FGL1: variants seen among roughly 807,000 people sequenced by gnomAD.
FGL1 encodes the protein fibrinogen like 1.
A neutral mutation model predicts 43.7 loss-of-function variants in FGL1; 59 were observed. The ratio of observed to expected loss-of-function variants is 1.35; its 90% CI spans 1.10 to 1.68. FGL1 has a LOEUF of 1.68. Among genes scored for constraint, FGL1 ranks in the 40% most tolerant of loss-of-function variants. The probability of loss-of-function intolerance (pLI) is 0.00; values close to 1 mark genes in which losing one functional copy is unlikely to be tolerated. For missense variants in FGL1, 596 were observed against 373.0 expected (o/e 1.60, Z -4.92); for synonymous variants, 192 against 126.5 (o/e 1.52, Z -3.48).
At chr8:17,894,840 C>A (rs184612121) in intron 1 of FGL1, among the ~76,000 whole-genome samples, 4 of 145,460 alleles carry the variant, frequency 2.7e-5, no homozygotes, top group Non-Finnish European at 3.0e-5. Flanking sequence ...ATTTTACCTG[C>A]GCACACTGTA....
chr8:17,868,106 T>G (rs760577822), intron 7 of FGL1, among the ~76,000 whole-genome samples: 4 of 152,198 alleles, frequency 2.6e-5, no homozygotes, highest in Non-Finnish European at 5.9e-5. Context: ...TTAGACTCAA[T>G]GAATTAATGA....
intron 1 of FGL1, among the ~76,000 whole-genome samples, chr8:17,887,347 G>A (rs1043415946): frequency 6.6e-6 from 1 of 152,190 alleles, no homozygotes; most frequent in African/African-American, 2.4e-5. Context: ...GCACCTGGGA[G>A]AGGTATAAAA....
At chr8:17,881,975 C>T in intron 3 of FGL1, 24 bp downstream of exon 3, 3 of 1,603,282 alleles carry the variant, frequency 1.9e-6, no homozygotes, top group Non-Finnish European at 1.7e-6. Context: ...GTTATAGAAA[C>T]ACTTAAGAAA....
At position 17,876,742 on chromosome 8, in the gene FGL1, G is replaced by A. The variant is rs28493060; in HGVS notation, c.245-2221C>T. On this transcript the variant is annotated intron_variant, in intron 3 of 7. Transcript: ENST00000427924. ...GAGCTGAATACTAAAGACTCACAAG[G>A]ATCAAACTATTTTCCAGGCAAATAT... Among the ~76,000 whole-genome samples the A allele has an allele frequency of 6.4e-3, 979 of 152,224 alleles. 12 individuals are homozygous for A. The highest frequency in any genetic ancestry group is 0.022 in the African/African-American group (922 of 41,542).
chr8:17,876,255 C>G (rs757550947), intron 3 of FGL1, among the ~76,000 whole-genome samples: 3 of 151,864 alleles, frequency 2.0e-5, no homozygotes, highest in African/African-American at 7.3e-5. Context: ...AACAAATGTT[C>G]ATTGTTTTGA....
At chr8:17,882,705 TTATATATTA>T (rs200592532) in intron 2 of FGL1, 1 of 137,960 alleles carries the variant, frequency 7.2e-6, no homozygotes, top group African/African-American at 2.8e-5. Context: ...TTAATGTATA[TTATATATTA>T]TATATATTAT....
At chr8:17,883,506 TATATA>T (rs547121591) in intron 2 of FGL1, among the ~76,000 whole-genome samples, 9,398 of 131,594 alleles carry the variant, frequency 0.071, 750 homozygotes, top group African/African-American at 0.19. Context: ...AATATATTTA[TATATA>T]ATATAATGTA....
chr8:17,866,055 G>C (rs929704099), intron 7 of FGL1, among the ~76,000 whole-genome samples: 6 of 152,140 alleles, frequency 3.9e-5, no homozygotes, highest in African/African-American at 9.7e-5. Context: ...TGAGTCTCCA[G>C]AATATATATT....
chr8:17,882,924 C>A lies in FGL1; in HGVS notation c.64-745G>T, dbSNP rs543028254. 8.5e-3 allele frequency among the ~76,000 whole-genome samples: 769 copies of A among 90,522 alleles called. 7 individuals are homozygous for A. The highest frequency in any genetic ancestry group is 0.029 in the African/African-American group (425 of 14,620). The allele number at this position is 90,522 out of a possible 152,430, so 59.4% of individuals were successfully genotyped here. Reference sequence around the variant, plus strand: ...ATATATTAAATAATATATAATATATCTCATATATAATATATTAAATAATAT... The same window carrying A: ...ATATATTAAATAATATATAATATATATCATATATAATATATTAAATAATAT... On this transcript the variant is annotated intron_variant, in intron 2 of 7. Coordinates refer to ENST00000427924, the MANE Select transcript of FGL1 (RefSeq NM_004467.4).
chr8:17,880,326 A>G (rs2427733), intron 3 of FGL1, among the ~76,000 whole-genome samples: 30,371 of 152,184 alleles, frequency 0.2, 4,239 homozygotes, highest in African/African-American at 0.39. Flanking sequence ...CTCATGCGCT[A>G]CAGTGTGAGC....
intron 7 of FGL1, among the ~76,000 whole-genome samples, chr8:17,867,563 C>G (rs1221315527): frequency 6.6e-6 from 1 of 152,236 alleles, no homozygotes; most frequent in African/African-American, 2.4e-5. Flanking sequence ...GTCAGCATTA[C>G]AGCTCTTGTG....
chr8:17,871,409 G>C (rs2053357709), intron 5 of FGL1, among the ~76,000 whole-genome samples: 2 of 150,612 alleles, frequency 1.3e-5, no homozygotes, highest in Admixed American at 1.3e-4. Flanking sequence ...CATGAGAATT[G>C]CTTGAGCCAA....
At chr8:17,865,450 C>T (rs17125754) in intron 7 of FGL1, among the ~76,000 whole-genome samples, 1 of 152,076 alleles carries the variant, frequency 6.6e-6, no homozygotes, top group African/African-American at 2.4e-5. Context: ...AATTGCTAGC[C>T]TATCAGTTAT....
chr8:17,870,725 G>A (rs1028859467), intron 5 of FGL1, among the ~76,000 whole-genome samples: 1 of 152,104 alleles, frequency 6.6e-6, no homozygotes, highest in African/African-American at 2.4e-5. Flanking sequence ...GGCCAACATG[G>A]TGAAACCCTG....
At chr8:17,885,868 G>A (rs947927797) in intron 1 of FGL1, 72 of 235,304 alleles carry the variant, frequency 3.1e-4, no homozygotes, top group African/African-American at 1.5e-3. Context: ...ATTTTAATCA[G>A]TTATTTAATG....
intron 3 of FGL1, among the ~76,000 whole-genome samples, chr8:17,881,069 A>G (rs1750597135): frequency 6.6e-6 from 1 of 152,166 alleles, no homozygotes; most frequent in Non-Finnish European, 1.5e-5. Flanking sequence ...TACATGCAAC[A>G]AGGAAAGATA....
chr8:17,893,955 T>G (rs553801691), intron 1 of FGL1, among the ~76,000 whole-genome samples: 1 of 147,266 alleles, frequency 6.8e-6, no homozygotes, highest in South Asian at 2.1e-4. Flanking sequence ...TTAATTATTA[T>G]AAAATTAAAA....
rs147835809 is a variant in FGL1 at position 17,864,666 on chromosome 8, G to T, written c.865C>A (p.His289Asn). The T allele has an allele frequency of 1.2e-6, 2 of 1,613,582 alleles. No individual in the cohort carries two copies. The highest frequency in any genetic ancestry group is 1.3e-5 in the African/African-American group (1 of 74,872). The change falls in exon 8 of 8, where the codon CAT becomes AAT. Residue 289 changes from histidine (H) to asparagine (N), a missense_variant. Physicochemically the swap from His to Asn is moderately conservative, Grantham distance 68. Transcript: ENST00000427924. ...GATTTCAGAGAATACCACCACCCAT[G>T]CCAGGTGTACCAGACAATCCCATTG... ...TDNGIVWYTW[H>N]GWWYSLKSVV...
chr8:17,894,181 G>A (rs2053745027), intron 1 of FGL1, among the ~76,000 whole-genome samples: 1 of 146,940 alleles, frequency 6.8e-6, no homozygotes, highest in Admixed American at 6.7e-5. Context: ...TTAGTAGCAT[G>A]CAAACATTTC....
Sources: allele counts gnomAD v4.1 joint callset (sites outside exome capture counted in the v4.1 genomes callset), GRCh38; gene constraint gnomAD v4.1.1; transcripts MANE v1.5; gene names NCBI Gene and HGNC (gene_info 2026-07-23, HGNC 2026-07-21).